Variants in ARAP1 observed in about 807,000 individuals in gnomAD.
ARAP1 encodes the protein ArfGAP with RhoGAP domain, ankyrin repeat and PH domain 1, also known as arf-GAP with Rho-GAP domain, ANK repeat and PH domain-containing protein 1.
Under a neutral mutation model 172.2 loss-of-function variants are expected in ARAP1, and 76 were observed. The observed-to-expected ratio is 0.44, with a 90% CI of 0.37 to 0.53. The LOEUF is 0.53. Ranked by LOEUF, ARAP1 falls within the 20% of genes least tolerant of loss-of-function variation. ARAP1 has a pLI of 0.00. For missense variants in ARAP1, 1,686 were observed against 1,977.5 expected, an observed-to-expected ratio of 0.85 and a Z score of 2.80; for synonymous variants, 804 against 803.3, an observed-to-expected ratio of 1.00 and a Z score of -0.01.
At chr11:72,706,369 G>A (rs569442543) in intron 12 of ARAP1, among the ~76,000 whole-genome samples, 1 of 151,868 alleles carries the variant, frequency 6.6e-6, no homozygotes, top group East Asian at 1.9e-4. Flanking sequence ...CCTCAGAGAG[G>A]GCCTCCCCAG....
At chr11:72,702,112 T>G (rs1856514494) in intron 15 of ARAP1, among the ~76,000 whole-genome samples, 1 of 152,108 alleles carries the variant, frequency 6.6e-6, no homozygotes, top group South Asian at 2.1e-4. Context: ...TTGGGCAAAC[T>G]CAATAATAAT....
chr11:72,688,377 C>T, intron 31 of ARAP1, 78 bp downstream of exon 31: 1 of 1,364,864 alleles, frequency 7.3e-7, no homozygotes, highest in Non-Finnish European at 1.0e-6. Flanking sequence ...AAATTAAAAA[C>T]CCCAGCTGTG....
chr11:72,743,501 T>C (rs78986490), intron 1 of ARAP1, among the ~76,000 whole-genome samples: 3,090 of 152,210 alleles, frequency 0.02, 110 homozygotes, highest in African/African-American at 0.07. Context: ...GGGAGGCCTT[T>C]GGTCAGGGCC....
At position 72,741,722 on chromosome 11, in the gene ARAP1, C is replaced by T. The variant is rs902066657; in HGVS notation, c.-127-9125G>A. Among the ~76,000 whole-genome samples, 2 of 152,148 alleles carry T rather than the reference C, an allele frequency of 1.3e-5. No homozygotes were observed. Among genetic ancestry groups the T allele is most frequent in the African/African-American group, 4.8e-5 (2 of 41,424 alleles). The stretch of plus-strand genomic sequence containing the variant: ...GGGCTGACCACAGAATCACAGGCAG[C>T]GGGAGTGGACAGACCCAGTGACACC... On this transcript the variant is annotated intron_variant, in intron 1 of 34. Coordinates refer to ENST00000393609, the MANE Select transcript of ARAP1 (RefSeq NM_001040118.3). This position sits in a 1 kb window ranked among gnomAD's most constrained non-coding sequence, Gnocchi z 4.5.
At chr11:72,747,490 CA>C (rs1858403139) in intron 1 of ARAP1, among the ~76,000 whole-genome samples, 1 of 152,168 alleles carries the variant, frequency 6.6e-6, no homozygotes, top group Admixed American at 6.5e-5. Context: ...GACCTTGTAA[CA>C]AGGCAGTGTG....
intron 18 of ARAP1, 109 bp from the exon 19 acceptor site, chr11:72,698,215 C>T (rs7105818): frequency 0.54 from 706,372 of 1,310,996 alleles, 191,510 homozygotes; most frequent in Non-Finnish European, 0.56. Context: ...CAGCTGCCTT[C>T]TCTTCTCTTC....
At chr11:72,715,408 A>T (rs2135550741) in intron 3 of ARAP1, among the ~76,000 whole-genome samples, 2 of 152,188 alleles carry the variant, frequency 1.3e-5, no homozygotes, top group Middle Eastern at 6.8e-3. Flanking sequence ...TTCCTGGCTG[A>T]TGGTGTGGGG....
At chr11:72,745,405 C>T (rs1359214460) in intron 1 of ARAP1, among the ~76,000 whole-genome samples, 6 of 148,024 alleles carry the variant, frequency 4.1e-5, no homozygotes, top group African/African-American at 7.5e-5. Flanking sequence ...GGGGTTTCAC[C>T]GTGTTAGCCA....
intron 2 of ARAP1, among the ~76,000 whole-genome samples, chr11:72,728,364 T>C (rs960780197): frequency 8.5e-5 from 13 of 152,280 alleles, no homozygotes; most frequent in African/African-American, 2.6e-4. Flanking sequence ...GTGGATTGCC[T>C]GAGCTCAAGA....
chr11:72,732,227 G>C (rs1857888915), intron 2 of ARAP1, among the ~76,000 whole-genome samples: 1 of 152,186 alleles, frequency 6.6e-6, no homozygotes, highest in Non-Finnish European at 1.5e-5. Flanking sequence ...TTGCCAGGCA[G>C]GGAGGGGAAT....
intron 2 of ARAP1, among the ~76,000 whole-genome samples, chr11:72,729,466 A>T (rs1857793010): frequency 6.6e-6 from 1 of 152,026 alleles, no homozygotes; most frequent in Admixed American, 6.6e-5. Flanking sequence ...GGTGGCAAGC[A>T]CCTGTAATCT....
chr11:72,746,919 G>A (rs1174020877), intron 1 of ARAP1, among the ~76,000 whole-genome samples: 1 of 152,252 alleles, frequency 6.6e-6, no homozygotes, highest in Non-Finnish European at 1.5e-5. Context: ...TATGCATTAT[G>A]GGTTGGGGAG....
chr11:72,727,511 T>G (rs1421318385), intron 2 of ARAP1, among the ~76,000 whole-genome samples: 2 of 152,194 alleles, frequency 1.3e-5, no homozygotes, highest in African/African-American at 4.8e-5. Context: ...GTGGCATGAT[T>G]GGTGCTGTGT....
At chr11:72,738,435 T>A (rs1326502598) in intron 1 of ARAP1, among the ~76,000 whole-genome samples, 1 of 151,884 alleles carries the variant, frequency 6.6e-6, no homozygotes, top group Non-Finnish European at 1.5e-5. Flanking sequence ...CCAGGCCGCC[T>A]CCCCTGATTG....
In ARAP1 at chr11:72,697,904, C is replaced by T. The variant is rs1422034422; in HGVS notation, c.2737+7G>A. ...GGAGGCTGGGGGCCCAGGTCTGGTC[C>T]ACGCACAAAGCTCCTGCAGTTTCCG... On this transcript the variant is annotated splice_region_variant and intron_variant, in intron 19 of 34. Coordinates refer to ENST00000393609, the MANE Select transcript of ARAP1 (RefSeq NM_001040118.3). The T allele has an allele frequency of 1.1e-5, 18 of 1,585,958 alleles. No homozygotes were observed. Among genetic ancestry groups the T allele is most frequent in the Non-Finnish European group, 1.5e-5 (17 of 1,163,984 alleles).
chr11:72,709,906 C>T lies in ARAP1; in HGVS notation c.1487G>A (p.Arg496His), dbSNP rs147663270. The T allele has an allele frequency of 4.3e-5, 69 of 1,614,026 alleles. No homozygotes were observed. The highest frequency in any genetic ancestry group is 1.6e-4 in the Middle Eastern group (1 of 6,084). ...GTAGGGCGTGGTGAGGTCGAAGCTG[C>T]GCCGGTCCACTTCCTTCACGTTGCC... ...SVGNVKEVDR[R>H]SFDLTTPYRI... is the part of the protein sequence containing the mutation. The change falls in exon 11 of 35, where the codon CGC becomes CAC. Residue 496 changes from arginine to histidine, a missense_variant. Physicochemically the swap from Arg to His is conservative, Grantham distance 29. Transcript: ENST00000393609.
intron 15 of ARAP1, 51 bp downstream of exon 15, chr11:72,702,854 C>T (rs771263190): frequency 1.3e-6 from 2 of 1,534,898 alleles, no homozygotes; most frequent in African/African-American, 1.4e-5. Context: ...TAAATCAAAC[C>T]CCACCAGGCA....
In ARAP1 at chr11:72,693,197, C is replaced by T. The variant is rs1591174188; in HGVS notation, c.3954+128G>A. On this transcript the variant is annotated intron_variant, in intron 29 of 34. Coordinates refer to ENST00000393609, the MANE Select transcript of ARAP1 (RefSeq NM_001040118.3). This position sits in a 1 kb window ranked among gnomAD's most constrained non-coding sequence, Gnocchi z 4.6. ...AGGGGTCTTGAGAGTCTACAGTTCTCCCCCACTGCTGTGCCATCCTGAGAG... is the reference window on the plus strand; with the variant it reads ...AGGGGTCTTGAGAGTCTACAGTTCTTCCCCACTGCTGTGCCATCCTGAGAG... The T allele has an allele frequency of 1.5e-6, 2 of 1,371,436 alleles. No individual in the cohort carries two copies. Among genetic ancestry groups the T allele is most frequent in the East Asian group, 2.4e-5 (1 of 41,458 alleles). 85.0% of individuals were successfully genotyped at this position (1,371,436 alleles called of 1,614,324 possible).
At chr11:72,743,754 C>G (rs994542463) in intron 1 of ARAP1, among the ~76,000 whole-genome samples, 1 of 152,096 alleles carries the variant, frequency 6.6e-6, no homozygotes, top group African/African-American at 2.4e-5. Context: ...ATGCCCTCAC[C>G]CACACAGGGG....
Sources: gnomAD v4.1 joint callset for allele counts (sites outside exome capture counted in the v4.1 genomes callset) on GRCh38, gnomAD v4.1.1 for gene constraint, Gnocchi (gnomAD v3.1) non-coding constraint, MANE v1.5 for transcripts, NCBI Gene and HGNC (gene_info 2026-07-23, HGNC 2026-07-21) for gene names.